Variants in SIPA1L1 observed in about 807,000 individuals in gnomAD.
SIPA1L1 encodes signal induced proliferation associated 1 like 1, also known as signal-induced proliferation-associated 1-like protein 1.
A neutral mutation model predicts 162.7 loss-of-function variants in SIPA1L1; 26 were observed. The ratio of observed to expected loss-of-function variants is 0.16; its 90% CI spans 0.12 to 0.22. SIPA1L1 has a LOEUF of 0.22. Ranked by LOEUF, SIPA1L1 falls within the 10% of genes least tolerant of loss-of-function variation. The pLI is 1.00. For synonymous variants in SIPA1L1, 829 were observed against 837.4 expected, an observed-to-expected ratio of 0.99 and a Z score of 0.17; for missense variants, 1,874 against 2,241.0, an observed-to-expected ratio of 0.84 and a Z score of 3.31.
At chr14:71,551,730 T>G (rs559729044) in intron 4 of SIPA1L1, among the ~76,000 whole-genome samples, 4 of 152,102 alleles carry the variant, frequency 2.6e-5, no homozygotes, top group Non-Finnish European at 4.4e-5. Context: ...CATCTGTCTT[T>G]TCTTTTCTGG....
At chr14:71,556,683 C>T (rs968337790) in intron 4 of SIPA1L1, among the ~76,000 whole-genome samples, 1 of 151,372 alleles carries the variant, frequency 6.6e-6, no homozygotes, top group Non-Finnish European at 1.5e-5. Context: ...CCGTGCCCTC[C>T]TTTGGCGTGC....
chr14:71,575,234 GCTGCGGAA>G (rs1054319493), intron 4 of SIPA1L1: 1 of 152,026 alleles, frequency 6.6e-6, no homozygotes, highest in Non-Finnish European at 1.5e-5. Context: ...TACTTAAGTT[GCTGCGGAA>G]CTGACTGTCC....
At chr14:71,408,291 G>A (rs575251071) in intron 2 of SIPA1L1, among the ~76,000 whole-genome samples, 11 of 152,162 alleles carry the variant, frequency 7.2e-5, no homozygotes, top group African/African-American at 1.9e-4. Flanking sequence ...TTCTGCTTTC[G>A]TATTCCTTTA....
chr14:71,739,434 A>C lies in SIPA1L1; in HGVS notation c.*273A>C. On this transcript the variant is annotated 3_prime_UTR_variant, in exon 24 of 24. Transcript: ENST00000381232. ...GAATGTCTTTATTTTTTTGCACAAT[A>C]TCTTTATCTGTTATGTATTTAAGAA... The C allele has an allele frequency of 4.7e-6, 1 of 210,806 alleles. No individual in the cohort carries two copies. Among genetic ancestry groups the C allele is most frequent in the Non-Finnish European group, 8.7e-6 (1 of 115,282 alleles). 13.1% of individuals were successfully genotyped at this position (210,806 alleles called of 1,614,324 possible).
At chr14:71,432,780 A>G (rs1195474350) in intron 2 of SIPA1L1, among the ~76,000 whole-genome samples, 1 of 152,230 alleles carries the variant, frequency 6.6e-6, no homozygotes, top group Non-Finnish European at 1.5e-5. Flanking sequence ...TACAACATGC[A>G]CATTTTTATT....
intron 2 of SIPA1L1, among the ~76,000 whole-genome samples, chr14:71,348,173 A>G (rs942869837): frequency 6.6e-6 from 1 of 152,206 alleles, no homozygotes; most frequent in African/African-American, 2.4e-5. Context: ...AAATGATCAC[A>G]AAATGCATAC....
intron 2 of SIPA1L1, among the ~76,000 whole-genome samples, chr14:71,486,305 T>A (rs2048752439): frequency 6.6e-6 from 1 of 152,250 alleles, no homozygotes; most frequent in Non-Finnish European, 1.5e-5. Flanking sequence ...GGGGTGGTGT[T>A]TCTATCAAGT....
At chr14:71,338,932 G>A (rs112841007) in intron 2 of SIPA1L1, among the ~76,000 whole-genome samples, 21 of 152,086 alleles carry the variant, frequency 1.4e-4, no homozygotes, top group African/African-American at 3.9e-4. Context: ...CAGAGATGGC[G>A]TTTCACCATG....
intron 3 of SIPA1L1, among the ~76,000 whole-genome samples, chr14:71,515,479 C>T (rs1191767395): frequency 1.3e-5 from 2 of 152,104 alleles, no homozygotes; most frequent in Admixed American, 6.5e-5. Context: ...TGGAATTGCT[C>T]ATTTTGAAAT....
intron 4 of SIPA1L1, among the ~76,000 whole-genome samples, chr14:71,545,252 A>G (rs1478791199): frequency 6.6e-6 from 1 of 152,192 alleles, no homozygotes; most frequent in African/African-American, 2.4e-5. Flanking sequence ...AATAAATAAA[A>G]GCCAATTAGA....
At chr14:71,559,010 A>T (rs2146518286) in intron 4 of SIPA1L1, among the ~76,000 whole-genome samples, 1 of 152,062 alleles carries the variant, frequency 6.6e-6, no homozygotes, top group East Asian at 1.9e-4. Context: ...ATGCATGCAA[A>T]CTAGCAGCAG....
intron 12 of SIPA1L1, among the ~76,000 whole-genome samples, chr14:71,680,090 C>T (rs2045646138): frequency 6.6e-6 from 1 of 152,242 alleles, no homozygotes; most frequent in African/African-American, 2.4e-5. Context: ...TAGACATCTA[C>T]AGAACTCTTC....
At position 71,650,315 on chromosome 14, in the gene SIPA1L1, C is replaced by T. The variant is rs764964721; in HGVS notation, c.1819-20C>T. On this transcript the variant is annotated intron_variant, in intron 7 of 23. Coordinates refer to ENST00000381232, the MANE Select transcript of SIPA1L1 (RefSeq NM_001386936.1). ...TGGATCTGCCTATATTTATATGCATCGTATTACCTGCCTTCACAGCTGAAC... is the reference window on the plus strand; with the variant it reads ...TGGATCTGCCTATATTTATATGCATTGTATTACCTGCCTTCACAGCTGAAC... The T allele has an allele frequency of 4.3e-5, 70 of 1,613,468 alleles. No homozygotes were observed. Among genetic ancestry groups the T allele is most frequent in the Non-Finnish European group, 5.0e-5 (59 of 1,179,446 alleles).
intron 2 of SIPA1L1, among the ~76,000 whole-genome samples, chr14:71,378,498 T>A (rs1050862880): frequency 3.9e-5 from 6 of 152,212 alleles, no homozygotes; most frequent in African/African-American, 1.4e-4. Flanking sequence ...CTAATTTAAT[T>A]CTGTTGTGGT....
At chr14:71,520,872 C>T (rs1483120726) in intron 3 of SIPA1L1, among the ~76,000 whole-genome samples, 1 of 152,114 alleles carries the variant, frequency 6.6e-6, no homozygotes, top group Non-Finnish European at 1.5e-5. Context: ...CCCACCTCAG[C>T]CCCCCGAGTA....
chr14:71,328,007 C>T (rs982353054), intron 2 of SIPA1L1, among the ~76,000 whole-genome samples: 1 of 152,064 alleles, frequency 6.6e-6, no homozygotes, highest in African/African-American at 2.4e-5. Context: ...TGTCTCTTTT[C>T]CAGTTTGAGA....
intron 7 of SIPA1L1, among the ~76,000 whole-genome samples, chr14:71,632,389 A>G (rs146947321): frequency 6.6e-6 from 1 of 152,228 alleles, no homozygotes; most frequent in East Asian, 1.9e-4. Flanking sequence ...ACCAAAAAAA[A>G]CAAACTTAGA....
rs1349938294 is a variant in SIPA1L1, at chr14:71,650,524, C to A, written c.1993+15C>A. ...TGATACCAAAAGTAAGAAATACTTA[C>A]ACCCTCCTACTAGGCTTATTTTCCC... On this transcript the variant is annotated intron_variant, in intron 8 of 23. Transcript: ENST00000381232. 2 of 1,611,694 alleles carry A rather than the reference C, an allele frequency of 1.2e-6. No individual in the cohort carries two copies. The highest frequency in any genetic ancestry group is 1.7e-5 in the Admixed American group (1 of 60,002).
chr14:71,494,528 T>C lies in SIPA1L1; in HGVS notation c.-464-18215T>C, dbSNP rs937757298. On this transcript the variant is annotated intron_variant, in intron 2 of 23. Transcript: ENST00000381232. ...TTGAGATTTTCTTTTCTTTTCTTTT[T>C]TTTTTTTTTTTTGAGACAGGGTCTT... Among the ~76,000 whole-genome samples the C allele has an allele frequency of 1.2e-4, 18 of 149,412 alleles. No individual in the cohort carries two copies. The South Asian group carries it at 1.5e-3, about 12-fold the overall frequency.
Sources: allele counts gnomAD v4.1 joint callset (sites outside exome capture counted in the v4.1 genomes callset), GRCh38; gene constraint gnomAD v4.1.1; transcripts MANE v1.5; gene names NCBI Gene and HGNC (gene_info 2026-07-23, HGNC 2026-07-21).